Variants in TPD52L3 observed in about 807,000 individuals in gnomAD.
The protein encoded by TPD52L3 is TPD52 like 3.
Under a neutral mutation model 8.7 loss-of-function variants are expected in TPD52L3, and 12 were observed. The observed-to-expected ratio is 1.38, with a 90% CI of 0.89 to 2.24. TPD52L3 has a LOEUF of 2.24. TPD52L3 is among the 30% of genes most tolerant of loss of function. TPD52L3 has a pLI of 0.00. For synonymous variants in TPD52L3, 79 were observed against 66.8 expected (o/e 1.18, Z -0.89); for missense variants, 207 against 158.7 (o/e 1.30, Z -1.64).
At chr9:6,329,590 C>G in intron 1 of TPD52L3, 1 of 1,001,722 alleles carries the variant, frequency 1.0e-6, no homozygotes, top group Non-Finnish European at 1.2e-6. Flanking sequence ...GTTTGTTTTC[C>G]CTTCCCCATT....
rs746334184 is a variant in TPD52L3, at chr9:6,328,973, G to A, written c.367+11G>A. On this transcript the variant is annotated intron_variant, in intron 1 of 1. Coordinates refer to ENST00000314556, the MANE Select transcript of TPD52L3 (RefSeq NM_001001874.3). ...TCAGATCTTTTGAAGGTCTGATGGG[G>A]ACAATCAAGTCCAAAGTCTCAGGGG... 2 of 1,614,152 alleles carry A rather than the reference G, an allele frequency of 1.2e-6. No individual in the cohort carries two copies. Among genetic ancestry groups the A allele is most frequent in the Admixed American group, 3.3e-5 (2 of 60,022 alleles).
At chr9:6,330,024 G>T in intron 1 of TPD52L3, 1 of 1,385,856 alleles carries the variant, frequency 7.2e-7, no homozygotes, top group Non-Finnish European at 9.4e-7. Flanking sequence ...TGAGGGGCTG[G>T]AGGAAAACAG....
At position 6,330,096 on chromosome 9, in the gene TPD52L3, G is replaced by A. The variant is rs377530029; in HGVS notation, c.368-880G>A. 8.4e-5 allele frequency: 133 copies of A among 1,591,494 alleles called. 1 individual carries two copies. The East Asian group carries it at 9.9e-4, about 12-fold the overall frequency. On this transcript the variant is annotated intron_variant, in intron 1 of 1. Coordinates refer to ENST00000314556, the MANE Select transcript of TPD52L3 (RefSeq NM_001001874.3). Reference sequence around the variant, plus strand: ...AAGGAACATTTTAAAAAGAACGTCTGTCCCCTGTGATGCTGGCTGTTATGC... The same window carrying A: ...AAGGAACATTTTAAAAAGAACGTCTATCCCCTGTGATGCTGGCTGTTATGC...
At chr9:6,330,066 G>C in intron 1 of TPD52L3, 6 of 1,515,216 alleles carry the variant, frequency 4.0e-6, no homozygotes, top group Non-Finnish European at 5.3e-6. Context: ...ATAAACCCCT[G>C]TCTCAAGGAA....
intron 1 of TPD52L3, chr9:6,329,740 T>C: frequency 9.9e-7 from 1 of 1,005,950 alleles, no homozygotes; most frequent in Non-Finnish European, 1.2e-6. Flanking sequence ...GCACTAATTG[T>C]TACATTACTA....
intron 1 of TPD52L3, chr9:6,330,700 A>G: frequency 8.1e-7 from 1 of 1,239,154 alleles, no homozygotes; most frequent in East Asian, 3.5e-5. Context: ...TGTGTTTATC[A>G]ACCAAAATGG....
chr9:6,330,589 T>A (rs1303486797), intron 1 of TPD52L3: 2 of 1,164,326 alleles, frequency 1.7e-6, no homozygotes, highest in Non-Finnish European at 2.1e-6. Flanking sequence ...AACTGTAAAG[T>A]TACTCATGTA....
rs1165028231 is a variant in TPD52L3, at chr9:6,329,512, C to T, written c.367+550C>T. On this transcript the variant is annotated intron_variant, in intron 1 of 1. Transcript: ENST00000314556. ...TTTGGAAAACTAGCTTATTAGAAAG[C>T]CAAAGTAGAGTTCTGTTTAAGCTTG... 8 of 1,010,664 alleles carry T rather than the reference C, an allele frequency of 7.9e-6. No homozygotes were observed. In the South Asian group the frequency reaches 2.2e-4, roughly 28 times the overall value. The allele number at this position is 1,010,664 out of a possible 1,614,324, so 62.6% of individuals were successfully genotyped here. A position where few individuals can be genotyped will look rare whatever the true frequency, so the allele number is the denominator to read the frequency against.
chr9:6,330,835 G>A (rs1818137781), intron 1 of TPD52L3, 141 bp from the exon 2 acceptor site: 3 of 1,437,100 alleles, frequency 2.1e-6, no homozygotes, highest in African/African-American at 2.9e-5. Context: ...CTATTATCAT[G>A]GGCCAAACCT....
chr9:6,328,981 A>C lies in TPD52L3; in HGVS notation c.367+19A>C. The C allele has an allele frequency of 1.2e-6, 2 of 1,614,166 alleles. No individual in the cohort carries two copies. The highest frequency in any genetic ancestry group is 1.7e-6 in the Non-Finnish European group (2 of 1,180,024). The stretch of plus-strand genomic sequence containing the variant: ...TTTGAAGGTCTGATGGGGACAATCA[A>C]GTCCAAAGTCTCAGGGGGCAAAAGA... On this transcript the variant is annotated intron_variant, in intron 1 of 1. Transcript: ENST00000314556.
chr9:6,330,402 G>T, intron 1 of TPD52L3: 1 of 1,412,250 alleles, frequency 7.1e-7, no homozygotes, highest in Non-Finnish European at 9.2e-7. Context: ...ATTGGCTGTG[G>T]GCAGAGACTA....
At position 6,328,681 on chromosome 9, in the gene TPD52L3, A is replaced by G. The variant is rs1818065231; in HGVS notation, c.86A>G (p.Gln29Arg). ...SELEDLTEPEQRELKTKLTKL... is the reference protein window; with the variant it reads ...SELEDLTEPERRELKTKLTKL... ...CTGGAGGATCTGACAGAGCCCGAGCAAAGAGAGCTCAAAACCAAACTCACT... is the reference window on the plus strand; with the variant it reads ...CTGGAGGATCTGACAGAGCCCGAGCGAAGAGAGCTCAAAACCAAACTCACT... Residue 29 changes from glutamine (Q) to arginine (R), a missense_variant, in exon 1 of 2, where the codon CAA (glutamine) becomes CGA (arginine). Coordinates refer to ENST00000314556, the MANE Select transcript of TPD52L3 (RefSeq NM_001001874.3). 1.2e-6 allele frequency: 2 copies of G among 1,614,098 alleles called. No individual in the cohort carries two copies. The highest frequency in any genetic ancestry group is 1.7e-6 in the Non-Finnish European group (2 of 1,180,052).
Position 6,331,184 on chromosome 9 carries a change from T to C in TPD52L3, c.*165T>C. On this transcript the variant is annotated 3_prime_UTR_variant, in exon 2 of 2. Coordinates refer to ENST00000314556, the MANE Select transcript of TPD52L3 (RefSeq NM_001001874.3). ...TGTCCCAGGTTCTGAAAGCATAGAA[T>C]TAGACATCGTATGTGCCCTCTAGAA... The C allele has an allele frequency of 4.7e-6, 3 of 645,000 alleles. No individual in the cohort carries two copies. Among genetic ancestry groups the C allele is most frequent in the Non-Finnish European group, 7.9e-6 (3 of 381,546 alleles). The allele number at this position is 645,000 out of a possible 1,614,324, so 40.0% of individuals were successfully genotyped here. A position where few individuals can be genotyped will look rare whatever the true frequency, so the allele number is the denominator to read the frequency against.
At chr9:6,330,832 C>G in intron 1 of TPD52L3, 144 bp from the exon 2 acceptor site, 1 of 1,435,582 alleles carries the variant, frequency 7.0e-7, no homozygotes, top group Non-Finnish European at 9.1e-7. Flanking sequence ...AGACTATTAT[C>G]ATGGGCCAAA....
At chr9:6,330,037 A>G in intron 1 of TPD52L3, 2 of 1,432,478 alleles carry the variant, frequency 1.4e-6, no homozygotes, top group South Asian at 1.8e-5. Context: ...GAAAACAGGT[A>G]TAGCCAAATT....
chr9:6,328,863 G>A lies in TPD52L3; in HGVS notation c.268G>A (p.Val90Met), dbSNP rs760184352. ...TGATGTTCAGGTCTCCAACACCTATGTGAAACAGAAGACATCAGCTGCTCT... is the reference window on the plus strand; with the variant it reads ...TGATGTTCAGGTCTCCAACACCTATATGAAACAGAAGACATCAGCTGCTCT... ...WLDVQVSNTY[V>M]KQKTSAALST... Residue 90 changes from valine to methionine, a missense_variant, in exon 1 of 2, where the codon GTG becomes ATG. Physicochemically the swap from Val to Met is conservative, Grantham distance 21. Coordinates refer to ENST00000314556, the MANE Select transcript of TPD52L3 (RefSeq NM_001001874.3). 5 of 1,614,200 alleles carry A rather than the reference G, an allele frequency of 3.1e-6. No homozygotes were observed. Among genetic ancestry groups the A allele is most frequent in the Non-Finnish European group, 3.4e-6 (4 of 1,180,038 alleles).
At chr9:6,330,885 A>G (rs1028267776) in intron 1 of TPD52L3, 91 bp from the exon 2 acceptor site, 2 of 1,570,218 alleles carry the variant, frequency 1.3e-6, no homozygotes, top group Admixed American at 1.9e-5. Flanking sequence ...CTACAACAGT[A>G]GTAAGTTTCC....
At chr9:6,330,378 G>C in intron 1 of TPD52L3, 1 of 1,432,338 alleles carries the variant, frequency 7.0e-7, no homozygotes, top group Admixed American at 2.9e-5. Context: ...GCCTGAGATA[G>C]AAGTTTGCAT....
intron 1 of TPD52L3, chr9:6,330,739 C>T: frequency 7.8e-7 from 1 of 1,289,752 alleles, no homozygotes; most frequent in Non-Finnish European, 9.8e-7. Flanking sequence ...AAGAGGTGAG[C>T]CTGCAGCATA....
Sources: gnomAD v4.1 joint callset for allele counts on GRCh38, gnomAD v4.1.1 for gene constraint, MANE v1.5 for transcripts, NCBI Gene and HGNC (gene_info 2026-07-23, HGNC 2026-07-21) for gene names.